SLAMF1: variants seen among roughly 807,000 people sequenced by gnomAD.
SLAMF1 encodes the protein signaling lymphocytic activation molecule.
In SLAMF1, 18 loss-of-function variants were observed where a neutral mutation model predicts 35.1. That is an observed-to-expected ratio of 0.51 (90% CI 0.35 to 0.76). SLAMF1 has a LOEUF of 0.76. SLAMF1 is among the 30% of genes least tolerant of loss of function. SLAMF1 has a pLI of 0.01. For synonymous variants in SLAMF1, 168 were observed against 157.2 expected, an observed-to-expected ratio of 1.07 and a Z score of -0.51; for missense variants, 392 against 413.0, an observed-to-expected ratio of 0.95 and a Z score of 0.44.
rs1261740291 is a variant in SLAMF1 at position 160,639,618 on chromosome 1, C to G, written c.77-2089G>C. Among the ~76,000 whole-genome samples, 3 of 152,184 alleles carry G rather than the reference C, an allele frequency of 2.0e-5. No homozygotes were observed. The East Asian group carries it at 5.8e-4, about 29-fold the overall frequency. On this transcript the variant is annotated intron_variant, in intron 1 of 6. Transcript: ENST00000302035. ...ACCCTTTTCACCTCCTGCATTTCCACCACCATCATCCCAGGCCTGGGTACT... is the reference window on the plus strand; with the variant it reads ...ACCCTTTTCACCTCCTGCATTTCCAGCACCATCATCCCAGGCCTGGGTACT...
Position 160,624,097 on chromosome 1 carries a change from T to A in SLAMF1, c.789A>T (p.Arg263Ser). Residue 263 changes from arginine (R) to serine (S), a missense_variant and splice_region_variant, in exon 4 of 7, where the codon AGA (arginine) becomes AGT (serine). Coordinates refer to ENST00000302035, the MANE Select transcript of SLAMF1 (RefSeq NM_003037.5). Reference sequence around the variant, plus strand: ...ATCTATTTATTGCCAGACACCTACCTCTTCTTCTCAACTGTAGTATTACCA... The same window carrying A: ...ATCTATTTATTGCCAGACACCTACCACTTCTTCTCAACTGTAGTATTACCA... The part of the protein sequence containing the change: ...IMVVILQLRR[R>S]GKTNHYQTTV... 6.3e-7 allele frequency: 1 copy of A among 1,591,422 alleles called. No homozygotes were observed. The highest frequency in any genetic ancestry group is 8.6e-7 in the Non-Finnish European group (1 of 1,164,438).
chr1:160,632,794 A>G (rs988572469), intron 3 of SLAMF1, among the ~76,000 whole-genome samples: 7 of 152,208 alleles, frequency 4.6e-5, no homozygotes, highest in African/African-American at 1.7e-4. Flanking sequence ...AATAAAAATT[A>G]CATTTTTATT....
intron 1 of SLAMF1, among the ~76,000 whole-genome samples, chr1:160,645,183 G>T (rs1312391417): frequency 1.3e-5 from 2 of 152,214 alleles, no homozygotes; most frequent in East Asian, 3.8e-4. Flanking sequence ...ATTAGAAGTT[G>T]AGCTGAGTAG....
chr1:160,625,052 A>G (rs1035852593), intron 3 of SLAMF1, among the ~76,000 whole-genome samples: 3 of 152,318 alleles, frequency 2.0e-5, no homozygotes, highest in Admixed American at 2.0e-4. Context: ...TTCTCATTTT[A>G]TGGAGAAGGA....
rs1326475258 is a variant in SLAMF1, at chr1:160,609,421, CA to C, written c.*1326del. On this transcript the variant is annotated 3_prime_UTR_variant, in exon 7 of 7. Coordinates refer to ENST00000302035, the MANE Select transcript of SLAMF1 (RefSeq NM_003037.5). ...CCAGGAAACGAGATGCACTAAGCAACAGGCTTACAATGTGAATTGACCTCAT... is the reference window on the plus strand; with the variant it reads ...CCAGGAAACGAGATGCACTAAGCAACGGCTTACAATGTGAATTGACCTCAT... 1 of 152,176 alleles carries C rather than the reference CA, an allele frequency of 6.6e-6. No homozygotes were observed. The highest frequency in any genetic ancestry group is 1.5e-5 in the Non-Finnish European group (1 of 68,034). 9.4% of individuals were successfully genotyped at this position (152,176 alleles called of 1,614,324 possible).
intron 5 of SLAMF1, among the ~76,000 whole-genome samples, chr1:160,616,846 A>G (rs1659325066): frequency 2.6e-5 from 4 of 152,220 alleles, no homozygotes; most frequent in African/African-American, 9.6e-5. Flanking sequence ...GTTAATACCA[A>G]GTTTTCATTA....
chr1:160,625,824 A>AGTGT lies in SLAMF1; in HGVS notation c.701-1643_701-1640dup, dbSNP rs3223445. On this transcript the variant is annotated intron_variant, in intron 3 of 6. Transcript: ENST00000302035. ...GGTCACTGAGAACCCTCTGTGCAGG[A>AGTGT]GTGTGTGTGTGTGTGTGTGTGTGTG... 1.5e-3 allele frequency among the ~76,000 whole-genome samples: 215 copies of AGTGT among 145,280 alleles called. 2 individuals are homozygous for AGTGT. The highest frequency in any genetic ancestry group is 2.0e-3 in the South Asian group (9 of 4,536).
Position 160,634,764 on chromosome 1 carries a change from G to A in SLAMF1, c.549C>T (p.His183=). Residue 183 remains histidine (H), a synonymous_variant, in exon 3 of 7, where the codon CAC becomes CAT. Coordinates refer to ENST00000302035, the MANE Select transcript of SLAMF1 (RefSeq NM_003037.5). ...AYSWSEKAGT[H]PLNPANSSHL... Reference sequence around the variant, plus strand: ...GGGAGCTGTTGGCTGGGTTCAGTGGGTGGGTGCCCGCCTTTTCACTCCAGC... The same window carrying A: ...GGGAGCTGTTGGCTGGGTTCAGTGGATGGGTGCCCGCCTTTTCACTCCAGC... The A allele has an allele frequency of 2.0e-5, 32 of 1,614,168 alleles. No homozygotes were observed. The highest frequency in any genetic ancestry group is 2.7e-5 in the Non-Finnish European group (32 of 1,180,030).
chr1:160,621,834 A>G (rs569184213), intron 4 of SLAMF1, among the ~76,000 whole-genome samples: 24 of 143,558 alleles, frequency 1.7e-4, no homozygotes, highest in African/African-American at 6.5e-4. Context: ...GTTGATCCTG[A>G]CTGAGGAGTG....
At chr1:160,624,449 C>T (rs1659774611) in intron 3 of SLAMF1, among the ~76,000 whole-genome samples, 1 of 152,172 alleles carries the variant, frequency 6.6e-6, no homozygotes, top group African/African-American at 2.4e-5. Flanking sequence ...TTTAACTCAA[C>T]TACCACATGT....
rs547836981 is a variant in SLAMF1 at position 160,642,945 on chromosome 1, C to A, written c.76+3925G>T. 1.3e-5 allele frequency among the ~76,000 whole-genome samples: 2 copies of A among 152,118 alleles called. No homozygotes were observed. The highest frequency in any genetic ancestry group is 2.9e-5 in the Non-Finnish European group (2 of 68,012). The stretch of plus-strand genomic sequence containing the variant: ...TATTTGGGGCTAAGTTTTTAATATT[C>A]ATTTTTATTAACTTTATCCCAAATG... On this transcript the variant is annotated intron_variant, in intron 1 of 6. Coordinates refer to ENST00000302035, the MANE Select transcript of SLAMF1 (RefSeq NM_003037.5). The surrounding 1 kb of genome is among the most constrained non-coding windows in gnomAD (Gnocchi z 4.2).
At chr1:160,612,260 CTTTTA>C (rs1407190957) in intron 6 of SLAMF1, among the ~76,000 whole-genome samples, 1 of 142,344 alleles carries the variant, frequency 7.0e-6, no homozygotes, top group African/African-American at 2.6e-5. Context: ...TTTTTTTTTA[CTTTTA>C]TTTTAAGTTC....
At chr1:160,615,172 C>T (rs868006212) in intron 5 of SLAMF1, among the ~76,000 whole-genome samples, 7 of 151,092 alleles carry the variant, frequency 4.6e-5, no homozygotes, top group Non-Finnish European at 7.4e-5. Flanking sequence ...ATAAAGACAT[C>T]GCAAATATGA....
chr1:160,610,785 A>G lies in SLAMF1; in HGVS notation c.971T>C (p.Ile324Thr). 1 of 1,612,416 alleles carries G rather than the reference A, an allele frequency of 6.2e-7. No homozygotes were observed. The highest frequency in any genetic ancestry group is 8.5e-7 in the Non-Finnish European group (1 of 1,178,448). ...VPESVQETNSITVYASVTLPE... is the reference protein window; with the variant it reads ...VPESVQETNSTTVYASVTLPE... ...AAGTGTCACACTAGCATAGACTGTG[A>G]TGGAATTTGTTTCCTGGGGACAAAG... The change falls in exon 7 of 7, where the codon ATC (isoleucine) becomes ACC (threonine). Residue 324 changes from isoleucine to threonine, a missense_variant. Ile to Thr is a moderately conservative substitution (Grantham distance 89). Transcript: ENST00000302035.
chr1:160,634,837 G>A lies in SLAMF1; in HGVS notation c.476C>T (p.Thr159Ile), dbSNP rs1481297789. 1.9e-6 allele frequency: 3 copies of A among 1,614,140 alleles called. No homozygotes were observed. Among genetic ancestry groups the A allele is most frequent in the Admixed American group, 3.3e-5 (2 of 60,018 alleles). Residue 159 changes from threonine (T) to isoleucine (I), a missense_variant, in exon 3 of 7, where the codon ACC becomes ATC. Coordinates refer to ENST00000302035, the MANE Select transcript of SLAMF1 (RefSeq NM_003037.5). ...CTCCACTGTGCAGCCCAGTATCAAG[G>A]TGCAGGTCCCGTTCTCCTGGGTCTT... ...LNKTQENGTC[T>I]LILGCTVEKG...
At chr1:160,612,437 C>A in intron 6 of SLAMF1, 51 bp downstream of exon 6, 1 of 1,247,320 alleles carries the variant, frequency 8.0e-7, no homozygotes, top group East Asian at 2.4e-5. Flanking sequence ...CTCATTTTCC[C>A]CTCCTTCATG....
At chr1:160,618,227 A>C (rs1421482440) in intron 5 of SLAMF1, among the ~76,000 whole-genome samples, 3 of 152,234 alleles carry the variant, frequency 2.0e-5, no homozygotes, top group African/African-American at 7.2e-5. Flanking sequence ...ATAAAGGAAC[A>C]AGAATAGCCA....
At chr1:160,641,754 A>G (rs751032384) in intron 1 of SLAMF1, among the ~76,000 whole-genome samples, 4 of 151,328 alleles carry the variant, frequency 2.6e-5, no homozygotes, top group Admixed American at 6.6e-5. Context: ...GGTTCATAAA[A>G]CCCCTCGAGT....
At chr1:160,615,760 AT>A (rs1399304892) in intron 5 of SLAMF1, 10 of 348,062 alleles carry the variant, frequency 2.9e-5, no homozygotes, top group African/African-American at 2.0e-4. Context: ...AAGTCTGATG[AT>A]GACTGTCCTT....
Sources: allele counts gnomAD v4.1 joint callset (sites outside exome capture counted in the v4.1 genomes callset), GRCh38; gene constraint gnomAD v4.1.1; non-coding constraint Gnocchi (gnomAD v3.1); transcripts MANE v1.5; gene names NCBI Gene and HGNC (gene_info 2026-07-23, HGNC 2026-07-21).